KCND3: variants seen among roughly 807,000 people sequenced by gnomAD.
KCND3 encodes A-type voltage-gated potassium channel KCND3.
A neutral mutation model predicts 51.1 loss-of-function variants in KCND3; 9 were observed. The ratio of observed to expected loss-of-function variants is 0.18; its 90% CI spans 0.11 to 0.31. The LOEUF is 0.31. Among genes scored for constraint, KCND3 ranks in the 10% least tolerant of loss-of-function variants. KCND3 has a pLI of 1.00. For synonymous variants in KCND3, 349 were observed against 368.0 expected (o/e 0.95, Z 0.59); for missense variants, 526 against 903.8 (o/e 0.58, Z 5.36).
intron 2 of KCND3, among the ~76,000 whole-genome samples, chr1:111,899,278 C>T (rs970048335): frequency 1.3e-5 from 2 of 152,234 alleles, no homozygotes; most frequent in African/African-American, 4.8e-5. Context: ...CATGAGGATT[C>T]AATAAAACAA....
At chr1:111,900,830 G>A (rs933655441) in intron 2 of KCND3, among the ~76,000 whole-genome samples, 3 of 152,072 alleles carry the variant, frequency 2.0e-5, no homozygotes, top group African/African-American at 7.2e-5. Flanking sequence ...GGTGGCATGC[G>A]CCTGTAATCC....
chr1:111,975,473 A>G (rs1010800364), intron 2 of KCND3, among the ~76,000 whole-genome samples: 17 of 152,106 alleles, frequency 1.1e-4, no homozygotes, highest in African/African-American at 3.9e-4. Context: ...ATTCAAATAC[A>G]CGCAGAATTG....
intron 2 of KCND3, among the ~76,000 whole-genome samples, chr1:111,909,023 T>C (rs1214668377): frequency 6.6e-6 from 1 of 151,042 alleles, no homozygotes; most frequent in South Asian, 2.1e-4. Flanking sequence ...ACAGTTTCTA[T>C]AGGCATCAGG....
chr1:111,818,403 A>G (rs1188578964), intron 2 of KCND3, among the ~76,000 whole-genome samples: 1 of 152,256 alleles, frequency 6.6e-6, no homozygotes, highest in Non-Finnish European at 1.5e-5. Flanking sequence ...GATGGGAGTC[A>G]GATGGAATGA....
intron 2 of KCND3, among the ~76,000 whole-genome samples, chr1:111,866,524 C>A (rs945905229): frequency 1.3e-5 from 2 of 151,194 alleles, no homozygotes; most frequent in Non-Finnish European, 2.9e-5. Context: ...CTTGGCCTCC[C>A]AAATTGCTGG....
chr1:111,905,730 C>CATGGTCCAG (rs1670617904), intron 2 of KCND3, among the ~76,000 whole-genome samples: 1 of 152,174 alleles, frequency 6.6e-6, no homozygotes, highest in African/African-American at 2.4e-5. Flanking sequence ...TCCAGTGAGT[C>CATGGTCCAG]TCAGCCCCAG....
intron 2 of KCND3, among the ~76,000 whole-genome samples, chr1:111,976,472 G>A (rs924005261): frequency 1.3e-5 from 2 of 152,232 alleles, no homozygotes; most frequent in Admixed American, 6.5e-5. Flanking sequence ...GTTATCAAAT[G>A]AGAAAACTAA....
intron 2 of KCND3, among the ~76,000 whole-genome samples, chr1:111,832,655 G>T (rs533191785): frequency 9.2e-5 from 14 of 152,222 alleles, no homozygotes; most frequent in Middle Eastern, 3.4e-3. Context: ...ACTCAGTTTC[G>T]ATTCAGACAG....
Position 111,829,410 on chromosome 1 carries a change from G to A in KCND3, c.1107-42304C>T, listed in dbSNP as rs180934988. 2.6e-4 allele frequency among the ~76,000 whole-genome samples: 39 copies of A among 152,268 alleles called. 1 individual carries two copies. The East Asian group carries it at 7.3e-3, about 29-fold the overall frequency. On this transcript the variant is annotated intron_variant, in intron 2 of 7. Coordinates refer to ENST00000302127, the MANE Select transcript of KCND3 (RefSeq NM_001378969.1). ...AGGTGAGAGAGCTGGTAGATCATGA[G>A]GCCATGGTAGGTGGGAGCTGAGCAG...
chr1:111,775,708 G>A lies in KCND3; in HGVS notation c.*369C>T. On this transcript the variant is annotated 3_prime_UTR_variant, in exon 8 of 8. Coordinates refer to ENST00000302127, the MANE Select transcript of KCND3 (RefSeq NM_001378969.1). ...TGGCCTCTTTGCTGCTCTTGGTCTTGTATTTTCCTCACTGGGGTCTCCAGA... is the reference window on the plus strand; with the variant it reads ...TGGCCTCTTTGCTGCTCTTGGTCTTATATTTTCCTCACTGGGGTCTCCAGA... 2 of 336,838 alleles carry A rather than the reference G, an allele frequency of 5.9e-6. No individual in the cohort carries two copies. The highest frequency in any genetic ancestry group is 1.1e-5 in the Non-Finnish European group (2 of 174,710). 20.9% of individuals were successfully genotyped at this position (336,838 alleles called of 1,614,324 possible). A position where few individuals can be genotyped will look rare whatever the true frequency, so the allele number is the denominator to read the frequency against.
chr1:111,864,762 G>T (rs970121301), intron 2 of KCND3, among the ~76,000 whole-genome samples: 1 of 152,148 alleles, frequency 6.6e-6, no homozygotes, highest in South Asian at 2.1e-4. Context: ...CCTCACTTCA[G>T]TCCCCAGCCT....
At chr1:111,804,445 C>T (rs553743414) in intron 2 of KCND3, among the ~76,000 whole-genome samples, 3 of 152,308 alleles carry the variant, frequency 2.0e-5, no homozygotes, top group South Asian at 2.1e-4. Flanking sequence ...CTGCTCTCTG[C>T]CCTTCAATTA....
At chr1:111,814,978 T>G (rs893084821) in intron 2 of KCND3, among the ~76,000 whole-genome samples, 2 of 152,260 alleles carry the variant, frequency 1.3e-5, no homozygotes, top group Non-Finnish European at 2.9e-5. Context: ...CCTTGACTCA[T>G]GTGGTACCTT....
At chr1:111,881,022 C>T (rs183491979) in intron 2 of KCND3, among the ~76,000 whole-genome samples, 2 of 152,306 alleles carry the variant, frequency 1.3e-5, no homozygotes, top group African/African-American at 4.8e-5. Context: ...TCCTCTGAGA[C>T]GCAGCTGGAA....
At chr1:111,973,990 T>C (rs1245900662) in intron 2 of KCND3, among the ~76,000 whole-genome samples, 1 of 152,228 alleles carries the variant, frequency 6.6e-6, no homozygotes, top group East Asian at 1.9e-4. Context: ...ATGACACTCA[T>C]TCGAGTCCTG....
At chr1:111,953,154 G>C (rs1056543259) in intron 2 of KCND3, among the ~76,000 whole-genome samples, 1 of 152,066 alleles carries the variant, frequency 6.6e-6, no homozygotes, top group African/African-American at 2.4e-5. Context: ...TTTCAGATGA[G>C]GCTGTACATG....
chr1:111,775,819 A>AACCCCCCCCCCCCCCCCCCCCCCCCCCC lies in KCND3; in HGVS notation c.*257_*258insGGGGGGGGGGGGGGGGGGGGGGGGGGGT. On this transcript the variant is annotated 3_prime_UTR_variant, in exon 8 of 8. Transcript: ENST00000302127. ...GCCTATATCCCCCGGCCTATCCCCGACCCCCCCACCCTCCCTCCCTTCCTC... is the reference window on the plus strand; with the variant it reads ...GCCTATATCCCCCGGCCTATCCCCGAACCCCCCCCCCCCCCCCCCCCCCCCCCCCCCCCCCACCCTCCCTCCCTTCCTC... The AACCCCCCCCCCCCCCCCCCCCCCCCCCC allele has an allele frequency of 1.0e-5, 1 of 97,706 alleles. No homozygotes were observed. Among genetic ancestry groups the AACCCCCCCCCCCCCCCCCCCCCCCCCCC allele is most frequent in the Non-Finnish European group, 2.0e-5 (1 of 51,262 alleles). 6.1% of individuals were successfully genotyped at this position (97,706 alleles called of 1,614,324 possible). A position where few individuals can be genotyped will look rare whatever the true frequency, so the allele number is the denominator to read the frequency against.
At chr1:111,906,230 T>G (rs1480333878) in intron 2 of KCND3, among the ~76,000 whole-genome samples, 1 of 152,166 alleles carries the variant, frequency 6.6e-6, no homozygotes, top group African/African-American at 2.4e-5. Context: ...GCCTGATGCT[T>G]TAAAGTGCAT....
intron 2 of KCND3, among the ~76,000 whole-genome samples, chr1:111,932,501 A>C (rs1672024495): frequency 6.6e-6 from 1 of 152,190 alleles, no homozygotes; most frequent in Non-Finnish European, 1.5e-5. Flanking sequence ...CCTCCACTGA[A>C]ACTCTGTACC....
Sources: allele counts gnomAD v4.1 joint callset (sites outside exome capture counted in the v4.1 genomes callset), GRCh38; gene constraint gnomAD v4.1.1; transcripts MANE v1.5; gene names NCBI Gene and HGNC (gene_info 2026-07-23, HGNC 2026-07-21).